The following PROS1 variants were observed in gnomAD, a reference collection of about 807,000 sequenced individuals.
PROS1 encodes the protein protein S, also known as vitamin K-dependent protein S.
A neutral mutation model predicts 75.9 loss-of-function variants in PROS1; 29 were observed. The ratio of observed to expected loss-of-function variants is 0.38; its 90% CI spans 0.28 to 0.52. The LOEUF (loss-of-function observed/expected upper bound fraction) is 0.52. PROS1 is among the 20% of genes least tolerant of loss of function. The probability of loss-of-function intolerance (pLI) is 0.83; values close to 1 mark genes in which losing one functional copy is unlikely to be tolerated. For synonymous variants in PROS1, 245 were observed against 280.6 expected (o/e 0.87, Z 1.27); for missense variants, 680 against 810.3 (o/e 0.84, Z 1.95).
At chr3:93,941,031 C>A (rs771089687) in intron 1 of PROS1, among the ~76,000 whole-genome samples, 3 of 152,130 alleles carry the variant, frequency 2.0e-5, no homozygotes, top group Non-Finnish European at 4.4e-5. Context: ...TTTCACTATT[C>A]CACTGCACCC....
intron 1 of PROS1, among the ~76,000 whole-genome samples, chr3:93,949,954 G>A (rs1200480245): frequency 1.3e-5 from 2 of 152,146 alleles, no homozygotes. Context: ...ATGACAGACA[G>A]TACCTGGAAA....
chr3:93,893,079 C>A lies in PROS1; in HGVS notation c.1009G>T (p.Val337Leu), dbSNP rs200771229. 1.2e-6 allele frequency: 2 copies of A among 1,613,984 alleles called. No individual in the cohort carries two copies. Among genetic ancestry groups the A allele is most frequent in the Non-Finnish European group, 1.7e-6 (2 of 1,179,952 alleles). The change falls in exon 10 of 15, where the codon GTG becomes TTG. Residue 337 changes from valine (V) to leucine (L), a missense_variant. Transcript: ENST00000394236. ...TCGATAGATTCTGCGTACAGTATCACGCCTTCTGAATCATATGTCCGGAAA... is the reference window on the plus strand; with the variant it reads ...TCGATAGATTCTGCGTACAGTATCAAGCCTTCTGAATCATATGTCCGGAAA... ...FDFRTYDSEG[V>L]ILYAESIDHS...
chr3:93,945,313 A>G (rs1709368080), intron 1 of PROS1, among the ~76,000 whole-genome samples: 1 of 152,236 alleles, frequency 6.6e-6, no homozygotes, highest in Non-Finnish European at 1.5e-5. Context: ...TTATGAGGCC[A>G]GCATCATCCT....
chr3:93,945,280 G>C (rs1709367344), intron 1 of PROS1, among the ~76,000 whole-genome samples: 1 of 152,144 alleles, frequency 6.6e-6, no homozygotes, highest in Non-Finnish European at 1.5e-5. Context: ...AATAGAAAAA[G>C]AGGGAATCCT....
chr3:93,924,097 C>A (rs530267594), intron 3 of PROS1, 143 bp downstream of exon 3: 2 of 461,368 alleles, frequency 4.3e-6, no homozygotes, highest in African/African-American at 2.0e-5. Context: ...ATAAAGACAG[C>A]AAAATTGCAT....
In PROS1 at chr3:93,879,327, A is replaced by G; in HGVS notation, c.1493-13T>C. 10 of 1,613,574 alleles carry G rather than the reference A, an allele frequency of 6.2e-6. No individual in the cohort carries two copies. Among genetic ancestry groups the G allele is most frequent in the Non-Finnish European group, 8.5e-6 (10 of 1,179,476 alleles). ...CTGGATACATTATCTATTTAAAATA[A>G]TGAAACAGAAGCATGATCAATGCAC... On this transcript the variant is annotated splice_polypyrimidine_tract_variant and intron_variant, in intron 12 of 14. Coordinates refer to ENST00000394236, the MANE Select transcript of PROS1 (RefSeq NM_000313.4).
intron 10 of PROS1, among the ~76,000 whole-genome samples, chr3:93,892,147 TG>T (rs1259969436): frequency 6.6e-6 from 1 of 151,578 alleles, no homozygotes; most frequent in Non-Finnish European, 1.5e-5. Context: ...CTTGCCAACA[TG>T]GTGAAAACCT....
intron 2 of PROS1, among the ~76,000 whole-genome samples, chr3:93,924,742 A>T (rs1231962985): frequency 1.3e-5 from 2 of 150,110 alleles, no homozygotes; most frequent in Non-Finnish European, 2.9e-5. Flanking sequence ...GACTCACTGC[A>T]GCCTTACCCT....
intron 1 of PROS1, among the ~76,000 whole-genome samples, chr3:93,941,638 CT>C (rs1709289645): frequency 6.6e-6 from 1 of 152,176 alleles, no homozygotes; most frequent in African/African-American, 2.4e-5. Context: ...CATCCCAACC[CT>C]TTTCATTACA....
At chr3:93,874,526 A>G in intron 14 of PROS1, 121 bp from the exon 15 acceptor site, 1 of 1,334,512 alleles carries the variant, frequency 7.5e-7, no homozygotes. Flanking sequence ...GGAAAAGTTA[A>G]TAGTGAAATT....
At chr3:93,893,193 C>T (rs1708458017) in intron 9 of PROS1, 71 bp from the exon 10 acceptor site, 1 of 1,338,360 alleles carries the variant, frequency 7.5e-7, no homozygotes, top group Non-Finnish European at 1.0e-6. Context: ...TTCTTTTTTT[C>T]TTGTACTGAC....
At chr3:93,942,616 A>G (rs558061679) in intron 1 of PROS1, among the ~76,000 whole-genome samples, 21 of 152,226 alleles carry the variant, frequency 1.4e-4, no homozygotes, top group African/African-American at 4.8e-4. Flanking sequence ...TCACCTATCA[A>G]TCTCTTCCCA....
intron 1 of PROS1, among the ~76,000 whole-genome samples, chr3:93,942,095 C>A (rs969578025): frequency 6.6e-6 from 1 of 152,116 alleles, no homozygotes; most frequent in African/African-American, 2.4e-5. Context: ...TCACCCTGAT[C>A]ACACTTGGTT....
chr3:93,911,216 C>A (rs745380064), intron 3 of PROS1: 21 of 156,654 alleles, frequency 1.3e-4, no homozygotes, highest in Non-Finnish European at 2.8e-4. Flanking sequence ...ATCAGGTTTA[C>A]TTCATTCCCT....
intron 1 of PROS1, among the ~76,000 whole-genome samples, chr3:93,939,872 C>T (rs969297450): frequency 5.9e-5 from 9 of 152,148 alleles, no homozygotes; most frequent in African/African-American, 1.9e-4. Context: ...TCAAACCCCA[C>T]AACAGGACTT....
At chr3:93,907,390 A>T (rs1301173918) in intron 4 of PROS1, among the ~76,000 whole-genome samples, 1 of 152,006 alleles carries the variant, frequency 6.6e-6, no homozygotes, top group East Asian at 1.9e-4. Flanking sequence ...AGAGCTGCTG[A>T]TGGGACAACC....
chr3:93,899,548 C>T (rs1456983818), intron 7 of PROS1, among the ~76,000 whole-genome samples: 5 of 152,044 alleles, frequency 3.3e-5, no homozygotes, highest in Non-Finnish European at 7.4e-5. Context: ...GATAATTCCG[C>T]AGACATCTAG....
At chr3:93,897,915 A>G (rs1274923756) in intron 8 of PROS1, among the ~76,000 whole-genome samples, 1 of 152,026 alleles carries the variant, frequency 6.6e-6, no homozygotes, top group African/African-American at 2.4e-5. Context: ...TAAGAAATCA[A>G]CCTCTCTGAA....
Position 93,898,451 on chromosome 3 carries a change from A to T in PROS1, c.846T>A (p.Cys282Ter). The T allele has an allele frequency of 6.2e-7, 1 of 1,612,502 alleles. No homozygotes were observed. Among genetic ancestry groups the T allele is most frequent in the Non-Finnish European group, 8.5e-7 (1 of 1,178,806 alleles). The change falls in exon 8 of 15, where the codon TGT (cysteine) becomes TGA (stop). Residue 282 changes from cysteine (C) to a stop codon, truncating the protein, a stop_gained. Transcript: ENST00000394236. LOFTEE classifies it high-confidence loss of function. ...TTAAGCATTGTAAAATGTTTACCTC[A>T]CAACTCTTCTGATCTTGGGCAAGTT... ...GFKLAQDQKS[C>*]EVVSVCLPLN...
Sources: gnomAD v4.1 joint callset for allele counts (sites outside exome capture counted in the v4.1 genomes callset) on GRCh38, gnomAD v4.1.1 for gene constraint, MANE v1.5 for transcripts, NCBI Gene and HGNC (gene_info 2026-07-23, HGNC 2026-07-21) for gene names.